The following XYLT1 variants were observed in gnomAD, a reference collection of about 807,000 sequenced individuals.
XYLT1 encodes the protein xylosyltransferase 1, also known as beta-D-xylosyltransferase 1.
XYLT1 carries 36 observed loss-of-function variants against 91.3 expected under a neutral mutation model. That is an observed-to-expected ratio of 0.39 (90% CI 0.30 to 0.52). The LOEUF (loss-of-function observed/expected upper bound fraction) is 0.52, where lower values mean the gene tolerates loss of function less well. XYLT1 is among the 20% of genes least tolerant of loss of function. The probability of loss-of-function intolerance (pLI) is 0.68; values close to 1 mark genes in which losing one functional copy is unlikely to be tolerated. For missense variants in XYLT1, 1,242 were observed against 1,284.5 expected (o/e 0.97, Z 0.51); for synonymous variants, 588 against 532.0 (o/e 1.11, Z -1.45).
At chr16:17,452,788 AT>A (rs2036684077) in intron 1 of XYLT1, among the ~76,000 whole-genome samples, 1 of 152,118 alleles carries the variant, frequency 6.6e-6, no homozygotes, top group Non-Finnish European at 1.5e-5. Flanking sequence ...GACCAAGTTA[AT>A]TATCAGTTGT....
At chr16:17,371,899 C>T (rs866042554) in intron 1 of XYLT1, among the ~76,000 whole-genome samples, 4 of 152,254 alleles carry the variant, frequency 2.6e-5, no homozygotes, top group African/African-American at 7.2e-5. Context: ...TCCACATGCA[C>T]ATACAGGTAT....
intron 11 of XYLT1, 32 bp downstream of exon 11, chr16:17,117,614 A>ATTTC: frequency 1.3e-6 from 2 of 1,588,748 alleles, no homozygotes; most frequent in Non-Finnish European, 1.7e-6. Flanking sequence ...GGGAAGGAGT[A>ATTTC]TTTCTCCCAC....
chr16:17,210,930 G>A (rs2141598969), intron 3 of XYLT1, among the ~76,000 whole-genome samples: 1 of 152,270 alleles, frequency 6.6e-6, no homozygotes, highest in East Asian at 1.9e-4. Context: ...CCCAGAACTG[G>A]CATCTCCAGC....
rs139924566 is a variant in XYLT1 at position 17,268,833 on chromosome 16, C to T, written c.403-9335G>A. 6.0e-3 allele frequency among the ~76,000 whole-genome samples: 916 copies of T among 152,160 alleles called. 2 individuals are homozygous for T. Among genetic ancestry groups the T allele is most frequent in the Middle Eastern group, 0.017 (5 of 294 alleles). On this transcript the variant is annotated intron_variant, in intron 2 of 11. Coordinates refer to ENST00000261381, the MANE Select transcript of XYLT1 (RefSeq NM_022166.4). ...GATTACAGGTGCCCGCCACCATGCC[C>T]GACTAATTTTTGTATTTTTAGTATA...
At chr16:17,291,631 C>T (rs963890003) in intron 2 of XYLT1, among the ~76,000 whole-genome samples, 3 of 151,038 alleles carry the variant, frequency 2.0e-5, no homozygotes, top group Admixed American at 1.3e-4. Context: ...AGGTCAAATA[C>T]GGTGCTGAGG....
intron 1 of XYLT1, among the ~76,000 whole-genome samples, chr16:17,435,385 T>C (rs1056980077): frequency 2.0e-5 from 3 of 152,204 alleles, no homozygotes; most frequent in African/African-American, 7.2e-5. Context: ...CAAGGCACAC[T>C]GTCCCCTCAC....
rs953238937 is a variant in XYLT1, at chr16:17,470,615, G to C, written c.182C>G (p.Pro61Arg). 16 of 1,122,828 alleles carry C rather than the reference G, an allele frequency of 1.4e-5. No individual in the cohort carries two copies. Among genetic ancestry groups the C allele is most frequent in the Admixed American group, 5.1e-5 (1 of 19,728 alleles). 69.6% of individuals were successfully genotyped at this position (1,122,828 alleles called of 1,614,324 possible). A position where few individuals can be genotyped will look rare whatever the true frequency, so the allele number is the denominator to read the frequency against. The part of the protein sequence containing the change: ...VGGGEQPPPA[P>R]APRRERRDLP... ...GTCCCGGCGCTCCCGGCGCGGGGCC[G>C]GGGCCGGGGGCGGCTGCTCCCCGCC... is the stretch of plus-strand genomic sequence containing the variant. The change falls in exon 1 of 12, where the codon CCG becomes CGG. Residue 61 changes from proline (P) to arginine (R), a missense_variant. Pro to Arg is a moderately radical substitution (Grantham distance 103). This residue lies in a region of XYLT1 where 437 missense variants were observed against 411.5 expected (regional missense o/e 1.06). Transcript: ENST00000261381.
At chr16:17,427,827 GT>G (rs912560774) in intron 1 of XYLT1, among the ~76,000 whole-genome samples, 75 of 144,844 alleles carry the variant, frequency 5.2e-4, no homozygotes, top group African/African-American at 6.3e-4. Context: ...ATACAAAAAG[GT>G]TTTTTTTTTT....
chr16:17,136,481 G>A (rs1474976770), intron 8 of XYLT1, among the ~76,000 whole-genome samples: 3 of 152,252 alleles, frequency 2.0e-5, no homozygotes, highest in African/African-American at 4.8e-5. Flanking sequence ...TTTGGCTACC[G>A]TCTAGCTGTG....
chr16:17,292,873 G>A (rs1437034730), intron 2 of XYLT1, among the ~76,000 whole-genome samples: 2 of 152,118 alleles, frequency 1.3e-5, no homozygotes, highest in South Asian at 2.1e-4. Flanking sequence ...GGGATGAGAC[G>A]TTCATCCACT....
intron 2 of XYLT1, among the ~76,000 whole-genome samples, chr16:17,304,584 G>A (rs2034444844): frequency 6.6e-6 from 1 of 152,030 alleles, no homozygotes; most frequent in Non-Finnish European, 1.5e-5. Flanking sequence ...TGTTTTCTTG[G>A]CCCTCAACCT....
chr16:17,402,250 G>A (rs927638459), intron 1 of XYLT1, among the ~76,000 whole-genome samples: 1 of 151,938 alleles, frequency 6.6e-6, no homozygotes, highest in Non-Finnish European at 1.5e-5. Context: ...AGCCGGTGAG[G>A]TCAAGGCTGC....
Position 17,470,067 on chromosome 16 carries a change from ATCCAC to A in XYLT1, c.363+362_363+366del, listed in dbSNP as rs752181545. On this transcript the variant is annotated intron_variant, in intron 1 of 11. Transcript: ENST00000261381. ...GAACAGCGGCTGAGGATCCGGGGAGATCCACTCACTCAGGCAGGGAGCGAGTCACC... is the reference window on the plus strand; with the variant it reads ...GAACAGCGGCTGAGGATCCGGGGAGATCACTCAGGCAGGGAGCGAGTCACC... Among the ~76,000 whole-genome samples the A allele has an allele frequency of 1.6e-3, 250 of 152,136 alleles. 1 individual carries two copies. Among genetic ancestry groups the A allele is most frequent in the Non-Finnish European group, 4.9e-4 (33 of 67,968 alleles).
chr16:17,125,344 C>T lies in XYLT1; in HGVS notation c.2223+2322G>A, dbSNP rs75019347. 6.3e-3 allele frequency among the ~76,000 whole-genome samples: 966 copies of T among 152,212 alleles called. 35 individuals carry two copies. The East Asian group carries it at 0.074, about 12-fold the overall frequency. ...AGTGGAAGCTGCAAGTTTGTCTTGC[C>T]TCCTATCCGCCATTTTCCCTCTATC... is the stretch of plus-strand genomic sequence containing the variant. On this transcript the variant is annotated intron_variant, in intron 10 of 11. Transcript: ENST00000261381.
In XYLT1 at chr16:17,105,982, A is replaced by G. The variant is rs1023223164; in HGVS notation, c.*2713T>C. Reference sequence around the variant, plus strand: ...TATCTGCAACCTTATTCTCTGGTCTATTAATTAATAACATCAGAGAAGGGA... The same window carrying G: ...TATCTGCAACCTTATTCTCTGGTCTGTTAATTAATAACATCAGAGAAGGGA... On this transcript the variant is annotated 3_prime_UTR_variant, in exon 12 of 12. Coordinates refer to ENST00000261381, the MANE Select transcript of XYLT1 (RefSeq NM_022166.4). The G allele has an allele frequency of 2.6e-5, 4 of 152,090 alleles. No individual in the cohort carries two copies. The highest frequency in any genetic ancestry group is 7.2e-5 in the African/African-American group (3 of 41,398). The allele number at this position is 152,090 out of a possible 1,614,324, so 9.4% of individuals were successfully genotyped here.
At position 17,312,675 on chromosome 16, in the gene XYLT1, G is replaced by A. The variant is rs1004490343; in HGVS notation, c.402+45337C>T. Among the ~76,000 whole-genome samples, 16 of 152,242 alleles carry A rather than the reference G, an allele frequency of 1.1e-4. No homozygotes were observed. Among genetic ancestry groups the A allele is most frequent in the African/African-American group, 2.4e-4 (10 of 41,532 alleles). On this transcript the variant is annotated intron_variant, in intron 2 of 11. Transcript: ENST00000261381. The surrounding 1 kb of genome is among the most constrained non-coding windows in gnomAD (Gnocchi z 4.4). ...TTTCAACATACTCATGTGTGTATCC[G>A]TGATTCTATTTACTGTTTAATCTTC...
At position 17,164,038 on chromosome 16, in the gene XYLT1, C is replaced by CAAAAAAAAAAAAAAAAAAAAAAAAAA. The variant is rs57343034; in HGVS notation, c.1290-5155_1290-5130dup. On this transcript the variant is annotated intron_variant, in intron 5 of 11. Coordinates refer to ENST00000261381, the MANE Select transcript of XYLT1 (RefSeq NM_022166.4). ...GGAAAACAAGAGCGAAACTCTGTCT[C>CAAAAAAAAAAAAAAAAAAAAAAAAAA]AAAAAAAAAAAAAAAAAAAAAAAAA... 1.8e-4 allele frequency among the ~76,000 whole-genome samples: 8 copies of CAAAAAAAAAAAAAAAAAAAAAAAAAA among 44,414 alleles called. 2 individuals are homozygous for CAAAAAAAAAAAAAAAAAAAAAAAAAA. The highest frequency in any genetic ancestry group is 2.3e-4 in the African/African-American group (3 of 13,306). The allele number at this position is 44,414 out of a possible 152,430, so 29.1% of individuals were successfully genotyped here. A position where few individuals can be genotyped will look rare whatever the true frequency, so the allele number is the denominator to read the frequency against.
intron 11 of XYLT1, among the ~76,000 whole-genome samples, chr16:17,117,029 C>T (rs1009944930): frequency 6.6e-6 from 1 of 152,058 alleles, no homozygotes; most frequent in Non-Finnish European, 1.5e-5. Context: ...GTGGGCCATG[C>T]AGTCTCTGTC....
chr16:17,157,839 C>G (rs754638263), intron 6 of XYLT1, among the ~76,000 whole-genome samples: 9 of 152,146 alleles, frequency 5.9e-5, no homozygotes, highest in Admixed American at 2.0e-4. Flanking sequence ...ACCTCCGCCT[C>G]CCAGGTTCAA....
Sources: gnomAD v4.1 joint callset for allele counts (sites outside exome capture counted in the v4.1 genomes callset) on GRCh38, gnomAD v4.1.1 for gene constraint, gnomAD v4.1.1 regional missense constraint, Gnocchi (gnomAD v3.1) non-coding constraint, MANE v1.5 for transcripts, NCBI Gene and HGNC (gene_info 2026-07-23, HGNC 2026-07-21) for gene names.